CSMD2: variants seen among roughly 807,000 people sequenced by gnomAD.
The protein encoded by CSMD2 is CUB and Sushi multiple domains 2.
In CSMD2, 130 loss-of-function variants were observed where a neutral mutation model predicts 398.5. The ratio of observed to expected loss-of-function variants is 0.33; its 90% CI spans 0.28 to 0.38. The LOEUF is 0.38. CSMD2 is among the 10% of genes least tolerant of loss of function. The pLI, the probability that CSMD2 is intolerant of heterozygous loss-of-function variation, is 1.00. For synonymous variants in CSMD2, 1,828 were observed against 1,908.5 expected, an observed-to-expected ratio of 0.96 and a Z score of 1.10; for missense variants, 3,829 against 4,764.9, an observed-to-expected ratio of 0.80 and a Z score of 5.78.
At chr1:34,042,034 C>G (rs1328947933) in intron 2 of CSMD2, among the ~76,000 whole-genome samples, 1 of 152,210 alleles carries the variant, frequency 6.6e-6, no homozygotes, top group African/African-American at 2.4e-5. Flanking sequence ...CATGGCTTTG[C>G]TTTTGCCAGT....
chr1:34,036,910 AG>A (rs1320821555), intron 2 of CSMD2, among the ~76,000 whole-genome samples: 1 of 152,176 alleles, frequency 6.6e-6, no homozygotes, highest in Non-Finnish European at 1.5e-5. Flanking sequence ...TTATCATACA[AG>A]TTACAGGCTA....
At position 33,559,490 on chromosome 1, in the gene CSMD2, A is replaced by C; in HGVS notation, c.8381-17T>G. 2.0e-6 allele frequency: 3 copies of C among 1,535,694 alleles called. No homozygotes were observed. The highest frequency in any genetic ancestry group is 2.6e-6 in the Non-Finnish European group (3 of 1,146,562). On this transcript the variant is annotated splice_polypyrimidine_tract_variant and intron_variant, in intron 53 of 70. Transcript: ENST00000373381. This position sits in a 1 kb window ranked among gnomAD's most constrained non-coding sequence, Gnocchi z 4.0. ...AGGTAATTGCTGTAACCAAAACAGA[A>C]GATAGGTAAGCCCTCCTACTATTCC...
At chr1:33,952,484 C>T (rs370349633) in intron 3 of CSMD2, among the ~76,000 whole-genome samples, 80 of 152,344 alleles carry the variant, frequency 5.3e-4, no homozygotes, top group African/African-American at 1.8e-3. Context: ...ATGTCACCTC[C>T]TCAGAGAAGC....
Position 33,709,201 on chromosome 1 carries a change from G to A in CSMD2, c.3464C>T (p.Pro1155Leu), listed in dbSNP as rs777833777. 15 of 1,613,974 alleles carry A rather than the reference G, an allele frequency of 9.3e-6. No homozygotes were observed. The highest frequency in any genetic ancestry group is 8.8e-5 in the South Asian group (8 of 91,082). The change falls in exon 22 of 71, where the codon CCT becomes CTT. Residue 1155 changes from proline (P) to leucine (L), a missense_variant. Coordinates refer to ENST00000373381, the MANE Select transcript of CSMD2 (RefSeq NM_001281956.2). The part of the protein sequence containing the change: ...TQGTLLSPNF[P>L]VNYNNNHECI... ...TTCATGATTGTTATTGTAGTTCACA[G>A]GAAAGTTGGGGGACAGCAAAGTACC...
At chr1:34,151,814 TCCC>T (rs67575054) in intron 1 of CSMD2, among the ~76,000 whole-genome samples, 1 of 86,718 alleles carries the variant, frequency 1.2e-5, no homozygotes, top group Non-Finnish European at 2.6e-5. Flanking sequence ...CCTCCCTCCC[TCCC>T]CCCCCTTCTC....
intron 13 of CSMD2, among the ~76,000 whole-genome samples, chr1:33,768,536 ATGTGTGTGTGTG>A (rs60273744): frequency 0.065 from 9,269 of 142,220 alleles, 356 homozygotes; most frequent in South Asian, 0.15. Context: ...GTGTGCGTGC[ATGTGTGTGTGTG>A]TGTGTGTGTG....
intron 5 of CSMD2, among the ~76,000 whole-genome samples, chr1:33,908,542 C>T (rs556644512): frequency 2.6e-5 from 4 of 152,398 alleles, no homozygotes; most frequent in South Asian, 2.1e-4. Context: ...CCATGGGGGG[C>T]AGGCCAGCTG....
chr1:34,032,196 GT>G (rs1650537540), intron 3 of CSMD2, among the ~76,000 whole-genome samples: 1 of 152,010 alleles, frequency 6.6e-6, no homozygotes, highest in African/African-American at 2.4e-5. Flanking sequence ...ATTGTATGGT[GT>G]TTTCAGTTGC....
chr1:34,124,444 G>A lies in CSMD2; in HGVS notation c.188-35251C>T, dbSNP rs573077516. ...CTGGACAGATATGGGGATAGGGTCT[G>A]GAGAAACCCAAGGGTCCACTGCTCA... On this transcript the variant is annotated intron_variant, in intron 1 of 70. Transcript: ENST00000373381. Among the ~76,000 whole-genome samples, 5 of 152,280 alleles carry A rather than the reference G, an allele frequency of 3.3e-5. No individual in the cohort carries two copies. The South Asian group carries it at 1.0e-3, about 32-fold the overall frequency.
At chr1:34,076,215 T>C (rs778686844) in intron 2 of CSMD2, among the ~76,000 whole-genome samples, 1 of 152,214 alleles carries the variant, frequency 6.6e-6, no homozygotes, top group Non-Finnish European at 1.5e-5. Context: ...AAGCTGCCAG[T>C]ACATAGCATC....
At chr1:34,139,561 T>C (rs1289262964) in intron 1 of CSMD2, among the ~76,000 whole-genome samples, 1 of 152,236 alleles carries the variant, frequency 6.6e-6, no homozygotes, top group Non-Finnish European at 1.5e-5. Context: ...CAGATTTTTG[T>C]GGTAATTATG....
intron 21 of CSMD2, among the ~76,000 whole-genome samples, chr1:33,712,038 G>A (rs927914653): frequency 9.9e-5 from 15 of 152,190 alleles, no homozygotes; most frequent in Admixed American, 2.6e-4. Context: ...ACAAATAAAT[G>A]TTCCAGAGAA....
intron 1 of CSMD2, among the ~76,000 whole-genome samples, chr1:34,101,756 A>G (rs1258240359): frequency 6.6e-6 from 1 of 151,284 alleles, no homozygotes; most frequent in African/African-American, 2.4e-5. Flanking sequence ...TATCTATTTT[A>G]TATATGTGTA....
intron 26 of CSMD2, among the ~76,000 whole-genome samples, chr1:33,659,277 G>A (rs1397637467): frequency 6.6e-6 from 1 of 152,216 alleles, no homozygotes; most frequent in African/African-American, 2.4e-5. Context: ...AATGTGGCAT[G>A]AGAAAACACA....
At chr1:33,803,371 C>T (rs1418267203) in intron 10 of CSMD2, among the ~76,000 whole-genome samples, 1 of 152,210 alleles carries the variant, frequency 6.6e-6, no homozygotes, top group South Asian at 2.1e-4. Flanking sequence ...GAGTTTCCAT[C>T]CAGTATATCC....
chr1:33,685,782 C>T lies in CSMD2; in HGVS notation c.4052+7148G>A, dbSNP rs530402790. 9.8e-5 allele frequency among the ~76,000 whole-genome samples: 15 copies of T among 152,312 alleles called. 1 individual carries two copies. In the South Asian group the frequency reaches 3.1e-3, roughly 32 times the overall value. ...ACTGAACTCCGTCACTTGGCTTGCACTTATAGCATCTATTTTATCTTGGAG... is the reference window on the plus strand; with the variant it reads ...ACTGAACTCCGTCACTTGGCTTGCATTTATAGCATCTATTTTATCTTGGAG... On this transcript the variant is annotated intron_variant, in intron 25 of 70. Transcript: ENST00000373381.
chr1:33,556,490 C>G (rs1025985132), intron 55 of CSMD2, among the ~76,000 whole-genome samples: 1 of 152,158 alleles, frequency 6.6e-6, no homozygotes, highest in Non-Finnish European at 1.5e-5. Flanking sequence ...ATCTATTACT[C>G]CCTCTTGAGT....
intron 3 of CSMD2, among the ~76,000 whole-genome samples, chr1:33,994,793 C>T (rs796301320): frequency 3.3e-5 from 5 of 152,210 alleles, no homozygotes; most frequent in African/African-American, 1.2e-4. Context: ...CCACCGGGCA[C>T]GGTGGCTCAT....
rs112393491 is a variant in CSMD2 at position 33,900,002 on chromosome 1, G to A, written c.920+18092C>T. On this transcript the variant is annotated intron_variant, in intron 5 of 70. Transcript: ENST00000373381. Reference sequence around the variant, plus strand: ...ACAGGACCTTAAACCTCTGAAAGAAGCTGTGTGTAGCTGTCTGCACGGAGC... The same window carrying A: ...ACAGGACCTTAAACCTCTGAAAGAAACTGTGTGTAGCTGTCTGCACGGAGC... Among the ~76,000 whole-genome samples, 1,039 of 152,282 alleles carry A rather than the reference G, an allele frequency of 6.8e-3. 10 individuals carry two copies. The highest frequency in any genetic ancestry group is 0.024 in the African/African-American group (993 of 41,552).
Sources: gnomAD v4.1 joint callset for allele counts (sites outside exome capture counted in the v4.1 genomes callset) on GRCh38, gnomAD v4.1.1 for gene constraint, Gnocchi (gnomAD v3.1) non-coding constraint, MANE v1.5 for transcripts, NCBI Gene and HGNC (gene_info 2026-07-23, HGNC 2026-07-21) for gene names.